The following IGF1R variants were observed in gnomAD, a reference collection of about 807,000 sequenced individuals.
The protein encoded by IGF1R is insulin like growth factor 1 receptor, also known as insulin-like growth factor 1 receptor.
In IGF1R, 44 loss-of-function variants were observed where a neutral mutation model predicts 144.6. That is an observed-to-expected ratio of 0.30 (90% CI 0.24 to 0.39). The LOEUF is 0.39. Ranked by LOEUF, IGF1R falls within the 10% of genes least tolerant of loss-of-function variation. The pLI is 1.00. For missense variants in IGF1R, 1,355 were observed against 1,833.7 expected, an observed-to-expected ratio of 0.74 and a Z score of 4.77; for synonymous variants, 795 against 722.8, an observed-to-expected ratio of 1.10 and a Z score of -1.60.
rs1166401960 is a variant in IGF1R at position 98,935,180 on chromosome 15, C to A, written c.3186+127C>A. The A allele has an allele frequency of 2.3e-5, 22 of 957,158 alleles. No homozygotes were observed. Among genetic ancestry groups the A allele is most frequent in the Non-Finnish European group, 3.5e-5 (21 of 605,422 alleles). The allele number at this position is 957,158 out of a possible 1,614,324, so 59.3% of individuals were successfully genotyped here. On this transcript the variant is annotated intron_variant, in intron 16 of 20. Coordinates refer to ENST00000650285, the MANE Select transcript of IGF1R (RefSeq NM_000875.5). This position sits in a 1 kb window ranked among gnomAD's most constrained non-coding sequence, Gnocchi z 4.2. Reference sequence around the variant, plus strand: ...CTTGCCTTTGCCTTCTGGATAGTTACCCCATTACCTCACTGCTACCTTCAG... The same window carrying A: ...CTTGCCTTTGCCTTCTGGATAGTTAACCCATTACCTCACTGCTACCTTCAG...
At chr15:98,700,370 C>G (rs949973394) in intron 1 of IGF1R, among the ~76,000 whole-genome samples, 2 of 152,136 alleles carry the variant, frequency 1.3e-5, no homozygotes, top group Admixed American at 6.5e-5. Flanking sequence ...ACAGGCTTTA[C>G]CTGCACCACA....
rs992656343 is a variant in IGF1R, at chr15:98,960,213, G to A, written c.*2771G>A. ...GCAGGGGGAAGCCAGGCTGTATTCC[G>A]GGGTCAAAGCAACACTAACTCACCT... On this transcript the variant is annotated 3_prime_UTR_variant, in exon 21 of 21. Transcript: ENST00000650285. 5 of 233,564 alleles carry A rather than the reference G, an allele frequency of 2.1e-5. No individual in the cohort carries two copies. Among genetic ancestry groups the A allele is most frequent in the African/African-American group, 6.6e-5 (3 of 45,354 alleles). The allele number at this position is 233,564 out of a possible 1,614,324, so 14.5% of individuals were successfully genotyped here.
At chr15:98,895,420 T>C (rs1025745651) in intron 3 of IGF1R, among the ~76,000 whole-genome samples, 2 of 152,162 alleles carry the variant, frequency 1.3e-5, no homozygotes, top group Non-Finnish European at 2.9e-5. Flanking sequence ...TAAAATTTTT[T>C]TTTTTAAATG....
rs1171670436 is a variant in IGF1R, at chr15:98,959,353, C to A, written c.*1911C>A. The A allele has an allele frequency of 1.3e-5, 3 of 233,638 alleles. No homozygotes were observed. Among genetic ancestry groups the A allele is most frequent in the Non-Finnish European group, 2.5e-5 (3 of 118,064 alleles). The allele number at this position is 233,638 out of a possible 1,614,324, so 14.5% of individuals were successfully genotyped here. On this transcript the variant is annotated 3_prime_UTR_variant, in exon 21 of 21. Coordinates refer to ENST00000650285, the MANE Select transcript of IGF1R (RefSeq NM_000875.5). ...AGCAGCAGAGCGTGGTCCGGCAGGG[C>A]CTGTTGTGGCCCTCGCCACCCCCCT...
At chr15:98,799,536 T>C (rs976388043) in intron 2 of IGF1R, among the ~76,000 whole-genome samples, 2 of 152,258 alleles carry the variant, frequency 1.3e-5, no homozygotes, top group African/African-American at 2.4e-5. Flanking sequence ...TTATTGTGAT[T>C]TAATCACAGA....
chr15:98,944,935 C>T (rs1459932498), intron 19 of IGF1R, among the ~76,000 whole-genome samples: 2 of 152,244 alleles, frequency 1.3e-5, no homozygotes, highest in Non-Finnish European at 2.9e-5. Flanking sequence ...ATACCTTGCT[C>T]TGTTCTTGAT....
intron 10 of IGF1R, among the ~76,000 whole-genome samples, chr15:98,917,609 T>C (rs1301559146): frequency 3.3e-5 from 5 of 152,126 alleles, no homozygotes; most frequent in Non-Finnish European, 7.4e-5. Context: ...AGTGGCTCAA[T>C]AAAATGGGCT....
chr15:98,885,722 T>C (rs1356463671), intron 2 of IGF1R, among the ~76,000 whole-genome samples: 1 of 152,116 alleles, frequency 6.6e-6, no homozygotes, highest in Non-Finnish European at 1.5e-5. Flanking sequence ...CCTTTAGAAA[T>C]GATTGGGGAT....
At chr15:98,718,798 G>A (rs556017451) in intron 2 of IGF1R, among the ~76,000 whole-genome samples, 33 of 152,334 alleles carry the variant, frequency 2.2e-4, no homozygotes, top group African/African-American at 7.7e-4. Context: ...GACGAAGGTT[G>A]ATATTATTAG....
At chr15:98,702,496 G>A (rs1318381258) in intron 1 of IGF1R, among the ~76,000 whole-genome samples, 12 of 152,066 alleles carry the variant, frequency 7.9e-5, no homozygotes, top group Non-Finnish European at 4.4e-5. Flanking sequence ...GATTACAGGC[G>A]TGCACCACCA....
intron 2 of IGF1R, among the ~76,000 whole-genome samples, chr15:98,788,607 G>A (rs993384549): frequency 1.3e-5 from 2 of 152,208 alleles, no homozygotes; most frequent in African/African-American, 4.8e-5. Flanking sequence ...TAACTTCACA[G>A]TTTGCGCAAG....
At chr15:98,863,004 G>A (rs974849193) in intron 2 of IGF1R, among the ~76,000 whole-genome samples, 1 of 152,146 alleles carries the variant, frequency 6.6e-6, no homozygotes, top group African/African-American at 2.4e-5. Context: ...TCCCACTGAT[G>A]TCCCTTTTTT....
chr15:98,802,643 A>G (rs759701838), intron 2 of IGF1R, among the ~76,000 whole-genome samples: 3 of 152,206 alleles, frequency 2.0e-5, no homozygotes, highest in Non-Finnish European at 4.4e-5. Context: ...TGTGGCTGCA[A>G]TTTCTGTGGA....
chr15:98,680,489 A>G (rs2053160874), intron 1 of IGF1R, among the ~76,000 whole-genome samples: 2 of 151,532 alleles, frequency 1.3e-5, no homozygotes, highest in South Asian at 2.1e-4. Flanking sequence ...GATGGTCTCA[A>G]TCTCCTGACC....
chr15:98,797,093 C>T (rs1053817356), intron 2 of IGF1R, among the ~76,000 whole-genome samples: 12 of 152,218 alleles, frequency 7.9e-5, no homozygotes, highest in Admixed American at 2.0e-4. Flanking sequence ...GTTCTGTGTA[C>T]ACAGAGTTAC....
rs35151840 is a variant in IGF1R at position 98,963,213 on chromosome 15, A to ATT, written c.*5788_*5789dup. ...GTGTGCAAATGTGTGTTTGTGATCCATTTTTTTTTTTTTTTTTTAGGACAC... is the reference window on the plus strand; with the variant it reads ...GTGTGCAAATGTGTGTTTGTGATCCATTTTTTTTTTTTTTTTTTTTAGGACAC... On this transcript the variant is annotated 3_prime_UTR_variant, in exon 21 of 21. Coordinates refer to ENST00000650285, the MANE Select transcript of IGF1R (RefSeq NM_000875.5). 1.4e-5 allele frequency: 3 copies of ATT among 212,266 alleles called. No individual in the cohort carries two copies. The highest frequency in any genetic ancestry group is 2.4e-5 in the African/African-American group (1 of 41,068). 13.1% of individuals were successfully genotyped at this position (212,266 alleles called of 1,614,324 possible).
chr15:98,882,696 T>C lies in IGF1R; in HGVS notation c.641-8629T>C, dbSNP rs117339416. Among the ~76,000 whole-genome samples the C allele has an allele frequency of 5.1e-3, 782 of 152,292 alleles. 4 individuals are homozygous for C. The highest frequency in any genetic ancestry group is 8.3e-3 in the Non-Finnish European group (563 of 68,012). On this transcript the variant is annotated intron_variant, in intron 2 of 20. Transcript: ENST00000650285. ...GGGACAGTGATGAGGGGTGAAAATA[T>C]GTAACTCCTTGCCCCTTCTGTATAC...
At chr15:98,910,318 T>C (rs2014953066) in intron 6 of IGF1R, among the ~76,000 whole-genome samples, 1 of 152,372 alleles carries the variant, frequency 6.6e-6, no homozygotes, top group South Asian at 2.1e-4. Flanking sequence ...CAGTCTGACC[T>C]GTCAGATCAT....
chr15:98,939,158 A>G, intron 17 of IGF1R, 43 bp from the exon 18 acceptor site: 1 of 1,587,414 alleles, frequency 6.3e-7, no homozygotes, highest in Non-Finnish European at 8.7e-7. Context: ...ATGGAAAAAA[A>G]AAATCCAAAA....
Sources: allele counts gnomAD v4.1 joint callset (sites outside exome capture counted in the v4.1 genomes callset), GRCh38; gene constraint gnomAD v4.1.1; non-coding constraint Gnocchi (gnomAD v3.1); transcripts MANE v1.5; gene names NCBI Gene and HGNC (gene_info 2026-07-23, HGNC 2026-07-21).